The following ORC6 variants were observed in gnomAD, a reference collection of about 807,000 sequenced individuals.
ORC6 encodes the protein origin recognition complex, subunit 6 homolog-like (yeast).
In ORC6, 31 loss-of-function variants were observed where a neutral mutation model predicts 30.0. The observed-to-expected ratio is 1.03, with a 90% CI of 0.78 to 1.40. The LOEUF (loss-of-function observed/expected upper bound fraction) is 1.40. Ranked by LOEUF, ORC6 falls within the 40% of genes most tolerant of loss-of-function variation. The pLI is 0.00. For synonymous variants in ORC6, 136 were observed against 111.2 expected (o/e 1.22, Z -1.40); for missense variants, 340 against 304.3 (o/e 1.12, Z -0.87).
Position 46,692,536 on chromosome 16 carries a change from T to C in ORC6, c.350T>C (p.Ile117Thr). The C allele has an allele frequency of 1.9e-6, 3 of 1,613,264 alleles. No homozygotes were observed. Among genetic ancestry groups the C allele is most frequent in the Non-Finnish European group, 2.5e-6 (3 of 1,179,302 alleles). The change falls in exon 3 of 7, where the codon ATA becomes ACA. Residue 117 changes from isoleucine (I) to threonine (T), a missense_variant. Ile to Thr is a moderately conservative substitution (Grantham distance 89). Coordinates refer to ENST00000219097, the MANE Select transcript of ORC6 (RefSeq NM_014321.4). ...CIEAVNMASKILKSYESSLPQ... is the reference protein window; with the variant it reads ...CIEAVNMASKTLKSYESSLPQ... ...GAAGCAGTGAACATGGCTTCAAAGA[T>C]ACTAAAAAGGTATGGGGCATAGAGA...
chr16:46,695,653 A>T lies in ORC6; in HGVS notation c.541A>T (p.Lys181Ter), dbSNP rs1448196478. The change falls in exon 5 of 7, where the codon AAG becomes TAG. Residue 181 changes from lysine to a stop codon, truncating the protein, a stop_gained. Transcript: ENST00000219097. LOFTEE classifies it high-confidence loss of function. ...TGATCGACTGTGTAAACAACTAGAG[A>T]AGATTGGACAGCAGGTCGACAGTAA... ...IFDRLCKQLE[K>*]IGQQVDREPG... 1 of 1,605,870 alleles carries T rather than the reference A, an allele frequency of 6.2e-7. No individual in the cohort carries two copies.
chr16:46,692,273 A>G, intron 2 of ORC6, 109 bp from the exon 3 acceptor site: 1 of 938,096 alleles, frequency 1.1e-6, no homozygotes, highest in Non-Finnish European at 1.7e-6. Flanking sequence ...GTGACTTGCC[A>G]CAAAATTAAT....
intron 3 of ORC6, 23 bp downstream of exon 3, chr16:46,692,568 A>G: frequency 6.2e-7 from 1 of 1,606,108 alleles, no homozygotes; most frequent in Non-Finnish European, 8.5e-7. Flanking sequence ...GAGAACCTTA[A>G]TTGAAAATGT....
chr16:46,698,163 A>AGATAGATAGATAGATGGATG lies in ORC6; in HGVS notation c.*593_*594insGGATGGATAGATAGATAGAT, dbSNP rs1555468041. 7 of 413,766 alleles carry AGATAGATAGATAGATGGATG rather than the reference A, an allele frequency of 1.7e-5. No homozygotes were observed. The highest frequency in any genetic ancestry group is 9.7e-5 in the African/African-American group (4 of 41,274). 25.6% of individuals were successfully genotyped at this position (413,766 alleles called of 1,614,324 possible). ...GCCTGGGTGACAGAGCGAGACTTAT[A>AGATAGATAGATAGATGGATG]GATAGATAGATAGATAGATGGATAG... On this transcript the variant is annotated 3_prime_UTR_variant, in exon 7 of 7. Coordinates refer to ENST00000219097, the MANE Select transcript of ORC6 (RefSeq NM_014321.4).
At position 46,689,678 on chromosome 16, in the gene ORC6, G is replaced by C; in HGVS notation, c.-28G>C. ...GGTTTCGTTGACCCGCGGCGTTCAC[G>C]GGAATTGTTCGCTTTAGTGCCGGCG... On this transcript the variant is annotated 5_prime_UTR_variant, in exon 1 of 7. Coordinates refer to ENST00000219097, the MANE Select transcript of ORC6 (RefSeq NM_014321.4). 1.3e-6 allele frequency: 2 copies of C among 1,592,090 alleles called. No individual in the cohort carries two copies. The highest frequency in any genetic ancestry group is 1.7e-6 in the Non-Finnish European group (2 of 1,168,930).
chr16:46,696,489 G>A (rs1391263667), intron 6 of ORC6, among the ~76,000 whole-genome samples: 2 of 152,124 alleles, frequency 1.3e-5, no homozygotes, highest in Non-Finnish European at 2.9e-5. Context: ...TCTTTCGGAG[G>A]TTCTTTTCCC....
At chr16:46,697,379 A>G in intron 6 of ORC6, 79 bp from the exon 7 acceptor site, 3 of 1,323,568 alleles carry the variant, frequency 2.3e-6, no homozygotes, top group Non-Finnish European at 3.2e-6. Flanking sequence ...ATTTTAGACA[A>G]TTTAAACAAG....
chr16:46,698,130 ATACTC>A lies in ORC6; in HGVS notation c.*546_*550del, dbSNP rs1437686291. ...ACTTATCTCATAAATAAATAGATAG[ATACTC>A]CAGCCTGGGTGACAGAGCGAGACTT... On this transcript the variant is annotated 3_prime_UTR_variant, in exon 7 of 7. Transcript: ENST00000219097. 2.3e-6 allele frequency: 1 copy of A among 434,256 alleles called. No homozygotes were observed. The highest frequency in any genetic ancestry group is 2.1e-5 in the African/African-American group (1 of 48,736). 26.9% of individuals were successfully genotyped at this position (434,256 alleles called of 1,614,324 possible). A position where few individuals can be genotyped will look rare whatever the true frequency, so the allele number is the denominator to read the frequency against.
rs1431400477 is a variant in ORC6 at position 46,691,949 on chromosome 16, C to CAG, written c.196-432_196-431insGA. Reference sequence around the variant, plus strand: ...TCTCTCCTGCACACACACACACACACACACACACACTCTCTCTCTCTCTCT... The same window carrying CAG: ...TCTCTCCTGCACACACACACACACACAGACACACACACTCTCTCTCTCTCTCT... On this transcript the variant is annotated intron_variant, in intron 2 of 6. Transcript: ENST00000219097. Among the ~76,000 whole-genome samples, 6 of 94,564 alleles carry CAG rather than the reference C, an allele frequency of 6.3e-5. No homozygotes were observed. The East Asian group carries it at 1.9e-3, about 29-fold the overall frequency. The allele number at this position is 94,564 out of a possible 152,430, so 62.0% of individuals were successfully genotyped here.
At chr16:46,691,281 A>G (rs1966434808) in intron 2 of ORC6, among the ~76,000 whole-genome samples, 161 bp downstream of exon 2, 1 of 152,214 alleles carries the variant, frequency 6.6e-6, no homozygotes, top group African/African-American at 2.4e-5. Flanking sequence ...TGCATTGGAA[A>G]ATATTTTTTT....
At position 46,689,771 on chromosome 16, in the gene ORC6, G is replaced by T. The variant is rs1966405054; in HGVS notation, c.65+1G>T. On this transcript the variant is annotated splice_donor_variant, in intron 1 of 6. Transcript: ENST00000219097. LOFTEE classifies it high-confidence loss of function. Reference sequence around the variant, plus strand: ...GCCTCGCCGAGCCCGACATGCTGAGGTGAGTTCGGCCGCGCAAGACCAGGG... The same window carrying T: ...GCCTCGCCGAGCCCGACATGCTGAGTTGAGTTCGGCCGCGCAAGACCAGGG... The T allele has an allele frequency of 6.3e-7, 1 of 1,593,298 alleles. No homozygotes were observed. The highest frequency in any genetic ancestry group is 1.7e-4 in the Middle Eastern group (1 of 6,024).
chr16:46,695,448 C>T (rs1393788892), intron 4 of ORC6, 114 bp from the exon 5 acceptor site: 2 of 704,996 alleles, frequency 2.8e-6, no homozygotes, highest in African/African-American at 3.6e-5. Flanking sequence ...AGGAAAAAAA[C>T]TAGACAGAGG....
chr16:46,689,749 TC>T lies in ORC6; in HGVS notation c.45del (p.Ala16ProfsTer6). On this transcript the variant is annotated frameshift_variant, in exon 1 of 7. Transcript: ENST00000219097. LOFTEE classifies it high-confidence loss of function. ...LIGRLAPRLG[L>X]AEPDMLRKAE... ...GGGCGCCTAGCCCCGCGCCTGGGCC[TC>T]GCCGAGCCCGACATGCTGAGGTGAG... is the stretch of plus-strand genomic sequence containing the variant. 6.3e-7 allele frequency: 1 copy of T among 1,599,946 alleles called. No individual in the cohort carries two copies. Among genetic ancestry groups the T allele is most frequent in the Non-Finnish European group, 8.5e-7 (1 of 1,173,848 alleles).
At chr16:46,697,325 A>C (rs1247755940) in intron 6 of ORC6, 133 bp from the exon 7 acceptor site, 1 of 826,154 alleles carries the variant, frequency 1.2e-6, no homozygotes, top group South Asian at 1.7e-5. Flanking sequence ...TCTCAAAAAA[A>C]AGTGATAACT....
rs1260069347 is a variant in ORC6 at position 46,697,951 on chromosome 16, C to T, written c.*366C>T. On this transcript the variant is annotated 3_prime_UTR_variant, in exon 7 of 7. Coordinates refer to ENST00000219097, the MANE Select transcript of ORC6 (RefSeq NM_014321.4). The stretch of plus-strand genomic sequence containing the variant: ...CCAACATGGTGAAACCCCATCTCTA[C>T]TAAAAATACAAAAATTAGCCAGGTG... 1 of 442,444 alleles carries T rather than the reference C, an allele frequency of 2.3e-6. No individual in the cohort carries two copies. The highest frequency in any genetic ancestry group is 1.6e-5 in the South Asian group (1 of 63,096). 27.4% of individuals were successfully genotyped at this position (442,444 alleles called of 1,614,324 possible). A position where few individuals can be genotyped will look rare whatever the true frequency, so the allele number is the denominator to read the frequency against.
intron 2 of ORC6, among the ~76,000 whole-genome samples, 164 bp downstream of exon 2, chr16:46,691,284 A>G (rs376309094): frequency 3.3e-5 from 5 of 152,148 alleles, no homozygotes; most frequent in Non-Finnish European, 7.4e-5. Flanking sequence ...ATTGGAAAAT[A>G]TTTTTTTGCC....
In ORC6 at chr16:46,695,753, T is replaced by C. The variant is rs184229256; in HGVS notation, c.562+79T>C. The C allele has an allele frequency of 3.7e-5, 35 of 949,926 alleles. No homozygotes were observed. In the East Asian group the frequency reaches 8.1e-4, roughly 22 times the overall value. The allele number at this position is 949,926 out of a possible 1,614,324, so 58.8% of individuals were successfully genotyped here. On this transcript the variant is annotated intron_variant, in intron 5 of 6. Transcript: ENST00000219097. ...TGTAAAAGTCAAATATTTTCAAATA[T>C]GTAAACTGGCTGCTTCCTAAATTCC...
At chr16:46,689,948 T>C in intron 1 of ORC6, 178 bp downstream of exon 1, 2 of 818,380 alleles carry the variant, frequency 2.4e-6, no homozygotes, top group Non-Finnish European at 3.6e-6. Flanking sequence ...TTGAATGAGA[T>C]GGCAAGAAGG....
At chr16:46,695,782 T>C (rs1966512094) in intron 5 of ORC6, 108 bp downstream of exon 5, 2 of 795,752 alleles carry the variant, frequency 2.5e-6, no homozygotes, top group South Asian at 1.4e-5. Context: ...AAATTCCGTA[T>C]TACATGTGGA....
Sources: gnomAD v4.1 joint callset for allele counts (sites outside exome capture counted in the v4.1 genomes callset) on GRCh38, gnomAD v4.1.1 for gene constraint, MANE v1.5 for transcripts, NCBI Gene and HGNC (gene_info 2026-07-23, HGNC 2026-07-21) for gene names.